The following CDH12 variants were observed in gnomAD, a reference collection of about 807,000 sequenced individuals.
The protein encoded by CDH12 is cadherin 12.
Under a neutral mutation model 74.1 loss-of-function variants are expected in CDH12, and 41 were observed. The observed-to-expected ratio is 0.55, with a 90% confidence interval of 0.43 to 0.72. The LOEUF (loss-of-function observed/expected upper bound fraction) is 0.72. Among genes scored for constraint, CDH12 ranks in the 30% least tolerant of loss-of-function variants. CDH12 has a pLI of 0.00. For missense variants in CDH12, 945 were observed against 977.2 expected (o/e 0.97, Z 0.44); for synonymous variants, 399 against 355.0 (o/e 1.12, Z -1.39).
At chr5:22,707,310 G>T in intron 1 of CDH12, among the ~76,000 whole-genome samples, 1 of 151,986 alleles carries the variant, frequency 6.6e-6, no homozygotes. Context: ...AAATTTTTCT[G>T]GGAAATTTTC....
chr5:22,027,602 A>G (rs1245580125), intron 5 of CDH12, among the ~76,000 whole-genome samples: 1 of 152,134 alleles, frequency 6.6e-6, no homozygotes, highest in Non-Finnish European at 1.5e-5. Flanking sequence ...TTATTTGCGT[A>G]GAGGTGTTTG....
intron 3 of CDH12, among the ~76,000 whole-genome samples, chr5:22,388,832 T>C (rs1742110275): frequency 6.6e-6 from 1 of 152,166 alleles, no homozygotes; most frequent in African/African-American, 2.4e-5. Context: ...ATATTTGGGA[T>C]TATGGAAAGA....
intron 2 of CDH12, among the ~76,000 whole-genome samples, chr5:22,462,234 G>C (rs1398124027): frequency 6.6e-6 from 1 of 152,094 alleles, no homozygotes; most frequent in Non-Finnish European, 1.5e-5. Flanking sequence ...GCAAAAATCA[G>C]ATACCCCTTG....
At chr5:21,896,115 C>A (rs1323011999) in intron 6 of CDH12, among the ~76,000 whole-genome samples, 6 of 152,164 alleles carry the variant, frequency 3.9e-5, no homozygotes, top group Non-Finnish European at 5.9e-5. Flanking sequence ...GAACTCTGGG[C>A]ATAAATGAGG....
rs374424944 is a variant in CDH12 at position 22,425,158 on chromosome 5, T to TATATATATAAAA, written c.-427-19808_-427-19807insTTTTATATATAT. Among the ~76,000 whole-genome samples, 564 of 132,426 alleles carry TATATATATAAAA rather than the reference T, an allele frequency of 4.3e-3. 6 individuals are homozygous for TATATATATAAAA. Among genetic ancestry groups the TATATATATAAAA allele is most frequent in the Middle Eastern group, 0.026 (6 of 232 alleles). The allele number at this position is 132,426 out of a possible 152,430, so 86.9% of individuals were successfully genotyped here. Reference sequence around the variant, plus strand: ...AATTATATATATGTGTGTGTGTATATATATATATATATAAATATATATATA... The same window carrying TATATATATAAAA: ...AATTATATATATGTGTGTGTGTATATATATATATAAAAATATATATATATAAATATATATATA... On this transcript the variant is annotated intron_variant, in intron 2 of 14. Transcript: ENST00000382254.
intron 2 of CDH12, among the ~76,000 whole-genome samples, chr5:22,435,498 ATGTGTG>A (rs56122496): frequency 8.3e-5 from 11 of 133,180 alleles, no homozygotes; most frequent in Admixed American, 4.3e-4. Flanking sequence ...GTGTATATAT[ATGTGTG>A]TGTGTGTGTG....
chr5:22,690,560 AG>A (rs1742030557), intron 1 of CDH12, among the ~76,000 whole-genome samples: 1 of 152,198 alleles, frequency 6.6e-6, no homozygotes, highest in Admixed American at 6.5e-5. Flanking sequence ...AAGTATATAA[AG>A]TCAAGGAGAG....
intron 2 of CDH12, among the ~76,000 whole-genome samples, chr5:22,493,232 T>A (rs1031559059): frequency 3.9e-5 from 6 of 152,126 alleles, no homozygotes; most frequent in Non-Finnish European, 8.8e-5. Context: ...CTCTAATACA[T>A]CAACTTCCTT....
intron 8 of CDH12, among the ~76,000 whole-genome samples, chr5:21,828,415 C>G (rs1287671086): frequency 6.6e-6 from 1 of 152,114 alleles, no homozygotes; most frequent in African/African-American, 2.4e-5. Flanking sequence ...AGCCACTGAG[C>G]CTGGCCAAAA....
chr5:22,167,204 T>G (rs1748734211), intron 4 of CDH12, among the ~76,000 whole-genome samples: 1 of 152,202 alleles, frequency 6.6e-6, no homozygotes, highest in Non-Finnish European at 1.5e-5. Context: ...GGATGTGGTT[T>G]GTGAAACACT....
rs192285222 is a variant in CDH12 at position 22,447,261 on chromosome 5, T to C, written c.-427-41910A>G. Among the ~76,000 whole-genome samples, 160 of 152,210 alleles carry C rather than the reference T, an allele frequency of 1.1e-3. 2 individuals are homozygous for C. Among genetic ancestry groups the C allele is most frequent in the Non-Finnish European group, 2.9e-5 (2 of 67,982 alleles). The stretch of plus-strand genomic sequence containing the variant: ...GCACCAGATATCTTTTATTACATTA[T>C]TCTTCTTTTTCTTCTTCTTCTTATT... On this transcript the variant is annotated intron_variant, in intron 2 of 14. Coordinates refer to ENST00000382254, the MANE Select transcript of CDH12 (RefSeq NM_004061.5).
chr5:21,776,026 A>G (rs2149889452), intron 11 of CDH12, among the ~76,000 whole-genome samples: 1 of 152,162 alleles, frequency 6.6e-6, no homozygotes, highest in East Asian at 1.9e-4. Flanking sequence ...TCCAATAAAG[A>G]GAATGTGGGA....
intron 1 of CDH12, among the ~76,000 whole-genome samples, chr5:22,838,651 CTG>C (rs369033220): frequency 0.024 from 3,390 of 143,832 alleles, 42 homozygotes; most frequent in African/African-American, 0.046. Flanking sequence ...GTGAGAGTGT[CTG>C]TGTGTGTGTG....
chr5:22,807,085 G>A (rs1417955183), intron 1 of CDH12, among the ~76,000 whole-genome samples: 13 of 152,130 alleles, frequency 8.5e-5, no homozygotes, highest in Non-Finnish European at 2.9e-5. Context: ...AGATTTTCTT[G>A]TAGGGTTTTT....
intron 4 of CDH12, among the ~76,000 whole-genome samples, chr5:22,157,799 T>A (rs900757108): frequency 8.5e-5 from 13 of 152,088 alleles, no homozygotes; most frequent in African/African-American, 3.1e-4. Context: ...TTAATTATAA[T>A]TAAGTCTTTA....
intron 3 of CDH12, among the ~76,000 whole-genome samples, chr5:22,287,059 G>A (rs1013592529): frequency 3.3e-5 from 5 of 152,184 alleles, no homozygotes; most frequent in African/African-American, 7.2e-5. Flanking sequence ...ACTGGGCATT[G>A]AGATTATCAT....
intron 3 of CDH12, among the ~76,000 whole-genome samples, chr5:22,391,206 T>C (rs992737864): frequency 6.6e-6 from 1 of 152,090 alleles, no homozygotes; most frequent in Non-Finnish European, 1.5e-5. Context: ...GTTTTCACAA[T>C]GAAGTGACAT....
intron 6 of CDH12, among the ~76,000 whole-genome samples, chr5:21,877,844 G>A (rs1161864043): frequency 6.6e-6 from 1 of 152,180 alleles, no homozygotes; most frequent in Non-Finnish European, 1.5e-5. Flanking sequence ...GATAGAGCAT[G>A]AGCTTTCATA....
At chr5:22,526,122 A>G (rs1336359731) in intron 1 of CDH12, among the ~76,000 whole-genome samples, 1 of 152,130 alleles carries the variant, frequency 6.6e-6, no homozygotes, top group African/African-American at 2.4e-5. Context: ...AGTGTCTATT[A>G]TATGTTAGTC....
Sources: allele counts gnomAD v4.1 joint callset (sites outside exome capture counted in the v4.1 genomes callset), GRCh38; gene constraint gnomAD v4.1.1; transcripts MANE v1.5; gene names NCBI Gene and HGNC (gene_info 2026-07-23, HGNC 2026-07-21).